The following CDH19 variants were observed in gnomAD, a reference collection of about 807,000 sequenced individuals.
CDH19 encodes cadherin-19.
A neutral mutation model predicts 64.2 loss-of-function variants in CDH19; 67 were observed. The observed-to-expected ratio is 1.04, with a 90% CI of 0.86 to 1.28. The LOEUF is 1.28. Ranked by LOEUF, CDH19 falls within the 50% of genes most tolerant of loss-of-function variation. The probability of loss-of-function intolerance (pLI) is 0.00; values close to 1 mark genes in which losing one functional copy is unlikely to be tolerated. For synonymous variants in CDH19, 346 were observed against 319.3 expected (o/e 1.08, Z -0.89); for missense variants, 1,030 against 929.0 (o/e 1.11, Z -1.41).
intron 9 of CDH19, among the ~76,000 whole-genome samples, chr18:66,518,482 C>T (rs373699810): frequency 2.0e-5 from 3 of 152,182 alleles, no homozygotes; most frequent in East Asian, 3.9e-4. Context: ...GATCCTCTCG[C>T]CTAGGCCTCC....
Position 66,543,897 on chromosome 18 carries a change from T to C in CDH19, c.1214+74A>G, listed in dbSNP as rs1167771393. 7.2e-6 allele frequency: 8 copies of C among 1,118,608 alleles called. No homozygotes were observed. The South Asian group carries it at 1.2e-4, about 17-fold the overall frequency. 69.3% of individuals were successfully genotyped at this position (1,118,608 alleles called of 1,614,324 possible). ...GACTCCCTCTCAATTAAAAAAAAGA[T>C]TGCATGCAATTTTATTTTTAATCTA... is the stretch of plus-strand genomic sequence containing the variant. On this transcript the variant is annotated intron_variant, in intron 7 of 11. Transcript: ENST00000262150.
intron 1 of CDH19, among the ~76,000 whole-genome samples, chr18:66,598,244 T>C (rs1316561444): frequency 6.6e-6 from 1 of 152,114 alleles, no homozygotes; most frequent in Non-Finnish European, 1.5e-5. Flanking sequence ...TTTGGAGATA[T>C]CTCAAAGATC....
chr18:66,541,727 A>C (rs928692338), intron 7 of CDH19, among the ~76,000 whole-genome samples: 7 of 152,138 alleles, frequency 4.6e-5, no homozygotes, highest in African/African-American at 1.4e-4. Context: ...CAAATCATTA[A>C]AACGTGTTTT....
intron 7 of CDH19, among the ~76,000 whole-genome samples, chr18:66,543,130 A>G (rs1374340578): frequency 6.6e-6 from 1 of 152,082 alleles, no homozygotes; most frequent in Non-Finnish European, 1.5e-5. Context: ...GGTTCACGCC[A>G]TTCTCCTGCC....
intron 3 of CDH19, among the ~76,000 whole-genome samples, chr18:66,558,030 T>G (rs1365984404): frequency 2.0e-5 from 3 of 151,666 alleles, no homozygotes; most frequent in African/African-American, 7.3e-5. Flanking sequence ...TTGCTCCTTA[T>G]TAGTGCAACT....
intron 3 of CDH19, among the ~76,000 whole-genome samples, chr18:66,557,136 C>G (rs1001062292): frequency 6.6e-6 from 1 of 151,952 alleles, no homozygotes; most frequent in African/African-American, 2.4e-5. Context: ...CAGACTTATT[C>G]ACAATAGCAA....
At chr18:66,508,928 A>G (rs1985332623) in intron 11 of CDH19, 67 bp downstream of exon 11, 2 of 1,491,614 alleles carry the variant, frequency 1.3e-6, no homozygotes, top group Non-Finnish European at 9.2e-7. Flanking sequence ...GTATATGTTC[A>G]GTTCAGCACC....
chr18:66,562,457 G>A (rs1465850583), intron 3 of CDH19, among the ~76,000 whole-genome samples: 3 of 151,982 alleles, frequency 2.0e-5, no homozygotes, highest in Admixed American at 6.6e-5. Context: ...GAGCTCAGGT[G>A]GTAATGCAAA....
intron 9 of CDH19, among the ~76,000 whole-genome samples, chr18:66,527,378 C>T (rs918140334): frequency 6.6e-6 from 1 of 151,684 alleles, no homozygotes; most frequent in African/African-American, 2.4e-5. Context: ...TATGTGCATA[C>T]ATATATAACT....
intron 1 of CDH19, among the ~76,000 whole-genome samples, chr18:66,600,795 C>T (rs1375511007): frequency 1.1e-4 from 16 of 151,738 alleles, no homozygotes; most frequent in African/African-American, 3.9e-4. Context: ...AATTTGGAGT[C>T]AAATCCTCAT....
intron 7 of CDH19, among the ~76,000 whole-genome samples, chr18:66,539,422 A>T (rs932674667): frequency 6.6e-6 from 1 of 152,090 alleles, no homozygotes; most frequent in Non-Finnish European, 1.5e-5. Context: ...GATACTCTGT[A>T]TCTGTTTAAG....
intron 1 of CDH19, among the ~76,000 whole-genome samples, chr18:66,580,470 TAGTA>T: frequency 6.6e-6 from 1 of 152,218 alleles, no homozygotes; most frequent in East Asian, 1.9e-4. Flanking sequence ...TTAGTTAAGT[TAGTA>T]AGTCTAGGCA....
intron 11 of CDH19, among the ~76,000 whole-genome samples, 182 bp from the exon 12 acceptor site, chr18:66,505,484 G>A (rs769040441): frequency 8.0e-5 from 12 of 149,546 alleles, no homozygotes; most frequent in South Asian, 6.3e-4. Context: ...AATGTATCAC[G>A]ATTTTTCTGG....
intron 9 of CDH19, among the ~76,000 whole-genome samples, chr18:66,512,765 T>C (rs1356234181): frequency 2.0e-5 from 3 of 151,492 alleles, no homozygotes; most frequent in Non-Finnish European, 4.4e-5. Context: ...AAAGCCTTCA[T>C]TTTAGAATAT....
intron 8 of CDH19, 138 bp from the exon 9 acceptor site, chr18:66,530,104 A>C: frequency 2.6e-6 from 1 of 384,816 alleles, no homozygotes; most frequent in Non-Finnish European, 4.7e-6. Flanking sequence ...CAGGATATCT[A>C]TATGATTCAC....
chr18:66,603,215 T>C (rs1259112173), intron 1 of CDH19, among the ~76,000 whole-genome samples: 1 of 150,706 alleles, frequency 6.6e-6, no homozygotes. Context: ...TATTTTGAAA[T>C]ATTTTATTAT....
rs1985020441 is a variant in CDH19, at chr18:66,503,163, T to C, written c.*1649A>G. The C allele has an allele frequency of 6.6e-6, 1 of 151,816 alleles. No individual in the cohort carries two copies. Among genetic ancestry groups the C allele is most frequent in the African/African-American group, 2.4e-5 (1 of 41,412 alleles). 9.4% of individuals were successfully genotyped at this position (151,816 alleles called of 1,614,324 possible). A position where few individuals can be genotyped will look rare whatever the true frequency, so the allele number is the denominator to read the frequency against. ...TTTCTTCCTGTTCAAACCATAAATT[T>C]TGAAGTCTACCTTGATTTGGATAGA... is the stretch of plus-strand genomic sequence containing the variant. On this transcript the variant is annotated 3_prime_UTR_variant, in exon 12 of 12. Coordinates refer to ENST00000262150, the MANE Select transcript of CDH19 (RefSeq NM_021153.4).
rs990002944 is a variant in CDH19, at chr18:66,504,236, C to T, written c.*576G>A. 3.1e-4 allele frequency: 47 copies of T among 150,142 alleles called. No individual in the cohort carries two copies. Among genetic ancestry groups the T allele is most frequent in the African/African-American group, 1.1e-3 (45 of 40,986 alleles). The allele number at this position is 150,142 out of a possible 1,614,324, so 9.3% of individuals were successfully genotyped here. On this transcript the variant is annotated 3_prime_UTR_variant, in exon 12 of 12. Transcript: ENST00000262150. Reference sequence around the variant, plus strand: ...TTTTCTCGTCTATTTTCCATGGATTCCTCCAACTGTTGTTTATCATACTTT... The same window carrying T: ...TTTTCTCGTCTATTTTCCATGGATTTCTCCAACTGTTGTTTATCATACTTT...
intron 2 of CDH19, among the ~76,000 whole-genome samples, chr18:66,568,987 C>T (rs1395531015): frequency 6.6e-6 from 1 of 151,516 alleles, no homozygotes; most frequent in Admixed American, 6.6e-5. Flanking sequence ...GTAAGTTATG[C>T]ACAACATAGT....
Sources: allele counts gnomAD v4.1 joint callset (sites outside exome capture counted in the v4.1 genomes callset), GRCh38; gene constraint gnomAD v4.1.1; transcripts MANE v1.5; gene names NCBI Gene and HGNC (gene_info 2026-07-23, HGNC 2026-07-21).